YAP1: variants seen among roughly 807,000 people sequenced by gnomAD.
YAP1 encodes Yes1 associated transcriptional regulator.
YAP1 carries 5 observed loss-of-function variants against 56.9 expected under a neutral mutation model. The ratio of observed to expected loss-of-function variants is 0.09; its 90% CI spans 0.05 to 0.18. YAP1 has a LOEUF of 0.18. YAP1 is among the 10% of genes least tolerant of loss of function. YAP1 has a pLI of 1.00. For synonymous variants in YAP1, 265 were observed against 248.1 expected (o/e 1.07, Z -0.64); for missense variants, 539 against 651.8 (o/e 0.83, Z 1.88).
intron 4 of YAP1, among the ~76,000 whole-genome samples, chr11:102,199,483 T>TAAAA (rs1948738561): frequency 6.6e-6 from 1 of 152,228 alleles, no homozygotes; most frequent in African/African-American, 2.4e-5. Context: ...ATGAAAGTTT[T>TAAAA]AGCCATTTAC....
At chr11:102,142,445 G>A (rs1240573407) in intron 2 of YAP1, among the ~76,000 whole-genome samples, 1 of 152,200 alleles carries the variant, frequency 6.6e-6, no homozygotes, top group African/African-American at 2.4e-5. Flanking sequence ...TTAACTTGCA[G>A]CTGTTTCTGA....
intron 6 of YAP1, among the ~76,000 whole-genome samples, chr11:102,216,926 C>T (rs145312775): frequency 2.6e-4 from 39 of 152,276 alleles, no homozygotes; most frequent in African/African-American, 7.5e-4. Context: ...CCATTTTCTT[C>T]TGTAATAATA....
In YAP1 at chr11:102,223,903, A is replaced by G; in HGVS notation, c.1163+151A>G. 2.9e-6 allele frequency: 3 copies of G among 1,019,288 alleles called. No individual in the cohort carries two copies. The South Asian group carries it at 4.9e-5, about 17-fold the overall frequency. The allele number at this position is 1,019,288 out of a possible 1,614,324, so 63.1% of individuals were successfully genotyped here. ...CTCTCTGTAAATGGCAAGTACATGC[A>G]GAGTTGAGGATTAAAAGTTGTCTCC... On this transcript the variant is annotated intron_variant, in intron 7 of 8. Coordinates refer to ENST00000282441, the MANE Select transcript of YAP1 (RefSeq NM_001130145.3).
In YAP1 at chr11:102,174,597, CTAT is replaced by C. The variant is rs1351988451; in HGVS notation, c.689-11416_689-11414del. Among the ~76,000 whole-genome samples, 3 of 151,474 alleles carry C rather than the reference CTAT, an allele frequency of 2.0e-5. No individual in the cohort carries two copies. The East Asian group carries it at 5.8e-4, about 29-fold the overall frequency. ...GACTCCATCTCAAAAAAAAAAAAAT[CTAT>C]TATTTGTAAAGGCACAAAACAAGTC... On this transcript the variant is annotated intron_variant, in intron 3 of 8. Transcript: ENST00000282441.
At position 102,223,697 on chromosome 11, in the gene YAP1, A is replaced by G. The variant is rs1327881634; in HGVS notation, c.1108A>G (p.Met370Val). ...TCAAAATCCAGTGTCTTCTCCCGGG[A>G]TGTCTCAGGAATTGAGAACAATGAC... ...GTQNPVSSPGMSQELRTMTTN... is the reference protein window; with the variant it reads ...GTQNPVSSPGVSQELRTMTTN... The change falls in exon 7 of 9, where the codon ATG (methionine) becomes GTG (valine). Residue 370 changes from methionine (M) to valine (V), a missense_variant. Coordinates refer to ENST00000282441, the MANE Select transcript of YAP1 (RefSeq NM_001130145.3). 2 of 1,614,142 alleles carry G rather than the reference A, an allele frequency of 1.2e-6. No individual in the cohort carries two copies. Among genetic ancestry groups the G allele is most frequent in the Non-Finnish European group, 8.5e-7 (1 of 1,180,012 alleles).
intron 2 of YAP1, among the ~76,000 whole-genome samples, chr11:102,147,532 G>A (rs7124280): frequency 0.39 from 59,046 of 151,886 alleles, 11,792 homozygotes; most frequent in African/African-American, 0.47. Flanking sequence ...AGGCAGGTGC[G>A]CATTATCCCT....
chr11:102,198,684 G>T (rs1433926335), intron 4 of YAP1, among the ~76,000 whole-genome samples: 1 of 151,890 alleles, frequency 6.6e-6, no homozygotes, highest in East Asian at 1.9e-4. Flanking sequence ...ATAGTTGTTT[G>T]CCTTGGGCCT....
intron 4 of YAP1, among the ~76,000 whole-genome samples, chr11:102,200,759 A>G (rs1948812194): frequency 6.6e-6 from 1 of 152,164 alleles, no homozygotes; most frequent in African/African-American, 2.4e-5. Context: ...ATAAGTTCTT[A>G]TGAAAAACAA....
intron 2 of YAP1, among the ~76,000 whole-genome samples, chr11:102,150,848 T>TGG (rs969869979): frequency 3.0e-5 from 4 of 135,178 alleles, no homozygotes; most frequent in African/African-American, 1.1e-4. Flanking sequence ...TCACTCATAC[T>TGG]GGAGTGCATT....
chr11:102,216,586 A>C (rs1260570102), intron 6 of YAP1, among the ~76,000 whole-genome samples: 1 of 152,180 alleles, frequency 6.6e-6, no homozygotes, highest in Non-Finnish European at 1.5e-5. Flanking sequence ...AGACAGTCCA[A>C]TTATGTCCTG....
intron 3 of YAP1, among the ~76,000 whole-genome samples, chr11:102,174,906 A>G (rs529254507): frequency 1.3e-5 from 2 of 152,338 alleles, no homozygotes; most frequent in Admixed American, 1.3e-4. Context: ...TAGTAGTGCC[A>G]GAATTCCAAT....
intron 7 of YAP1, among the ~76,000 whole-genome samples, chr11:102,225,210 A>G (rs1466043527): frequency 6.6e-6 from 1 of 151,776 alleles, no homozygotes; most frequent in Non-Finnish European, 1.5e-5. Context: ...TTGGCTGGGC[A>G]TGATGGCTCA....
intron 4 of YAP1, among the ~76,000 whole-genome samples, chr11:102,189,585 A>T (rs1381292054): frequency 6.6e-6 from 1 of 152,172 alleles, no homozygotes; most frequent in Non-Finnish European, 1.5e-5. Context: ...AGAGTGACAA[A>T]AACAGAATAT....
chr11:102,117,161 G>A (rs1312242967), intron 2 of YAP1, among the ~76,000 whole-genome samples: 1 of 152,034 alleles, frequency 6.6e-6, no homozygotes, highest in African/African-American at 2.4e-5. Flanking sequence ...CTAAGCTTTT[G>A]GTGCCAAGTT....
At chr11:102,133,515 T>A (rs1360979682) in intron 2 of YAP1, among the ~76,000 whole-genome samples, 1 of 152,176 alleles carries the variant, frequency 6.6e-6, no homozygotes, top group Non-Finnish European at 1.5e-5. Context: ...AAGGCTGGTT[T>A]CAAACTCCAA....
chr11:102,132,362 C>T (rs1016959670), intron 2 of YAP1, among the ~76,000 whole-genome samples: 2 of 152,190 alleles, frequency 1.3e-5, no homozygotes, highest in African/African-American at 2.4e-5. Context: ...AGAGAGTCCT[C>T]GCTTGATGCT....
At chr11:102,201,168 A>G (rs1948833762) in intron 4 of YAP1, among the ~76,000 whole-genome samples, 1 of 152,242 alleles carries the variant, frequency 6.6e-6, no homozygotes, top group African/African-American at 2.4e-5. Context: ...CCTAATAGGA[A>G]ATTGGTTGAA....
At chr11:102,179,095 T>C (rs969089688) in intron 3 of YAP1, among the ~76,000 whole-genome samples, 2 of 139,686 alleles carry the variant, frequency 1.4e-5, no homozygotes, top group Non-Finnish European at 3.1e-5. Flanking sequence ...CCTCCAACTT[T>C]GGGAATCCCA....
rs1021866953 is a variant in YAP1, at chr11:102,180,160, C to T, written c.689-5858C>T. ...AAGTAGCTGGGACTACAGGTGTGCG[C>T]CACCACACCCGGCTAATTTTGTAGT... On this transcript the variant is annotated intron_variant, in intron 3 of 8. Transcript: ENST00000282441. 1.1e-4 allele frequency among the ~76,000 whole-genome samples: 16 copies of T among 151,732 alleles called. No homozygotes were observed. In the East Asian group the frequency reaches 2.5e-3, roughly 24 times the overall value.
Sources: gnomAD v4.1 joint callset for allele counts (sites outside exome capture counted in the v4.1 genomes callset) on GRCh38, gnomAD v4.1.1 for gene constraint, MANE v1.5 for transcripts, NCBI Gene and HGNC (gene_info 2026-07-23, HGNC 2026-07-21) for gene names.